The following PTPRA variants were observed in gnomAD, a reference collection of about 807,000 sequenced individuals.
PTPRA encodes the protein receptor-type tyrosine-protein phosphatase alpha.
PTPRA carries 25 observed loss-of-function variants against 104.8 expected under a neutral mutation model. The ratio of observed to expected loss-of-function variants is 0.24; its 90% CI spans 0.17 to 0.33. The LOEUF is 0.33. Ranked by LOEUF, PTPRA falls within the 10% of genes least tolerant of loss-of-function variation. The probability of loss-of-function intolerance (pLI) is 1.00; values close to 1 mark genes in which losing one functional copy is unlikely to be tolerated. For synonymous variants in PTPRA, 323 were observed against 368.9 expected (o/e 0.88, Z 1.43); for missense variants, 765 against 1,015.3 (o/e 0.75, Z 3.35).
At chr20:3,020,226 A>G (rs1374314570) in intron 13 of PTPRA, among the ~76,000 whole-genome samples, 1 of 151,986 alleles carries the variant, frequency 6.6e-6, no homozygotes, top group Non-Finnish European at 1.5e-5. Context: ...CTTCTGCCTC[A>G]GCCTCCCGAG....
At chr20:2,916,797 CCT>C (rs2059917591) in intron 1 of PTPRA, among the ~76,000 whole-genome samples, 1 of 152,126 alleles carries the variant, frequency 6.6e-6, no homozygotes, top group Non-Finnish European at 1.5e-5. Flanking sequence ...ATATATCACT[CCT>C]TATACCATTA....
intron 1 of PTPRA, among the ~76,000 whole-genome samples, chr20:2,897,332 TG>T (rs1221212172): frequency 6.6e-6 from 1 of 152,014 alleles, no homozygotes; most frequent in Non-Finnish European, 1.5e-5. Flanking sequence ...GGTTGCTAGA[TG>T]GTAAATTTAA....
At chr20:2,951,779 G>A (rs1298164729) in intron 3 of PTPRA, among the ~76,000 whole-genome samples, 2 of 152,172 alleles carry the variant, frequency 1.3e-5, no homozygotes, top group East Asian at 1.9e-4. Context: ...TCGGAACTGC[G>A]AGTAACTGTC....
chr20:3,007,397 T>G lies in PTPRA; in HGVS notation c.883T>G (p.Tyr295Asp), dbSNP rs762455848. ...TPVEGVPDSD[Y>D]INASFINGYQ... ...GGTTGAAGGGGTTCCAGATTCTGATTACATCAATGCTTCATTCATCAACGT... is the reference window on the plus strand; with the variant it reads ...GGTTGAAGGGGTTCCAGATTCTGATGACATCAATGCTTCATTCATCAACGT... The change falls in exon 11 of 24, where the codon TAC becomes GAC. Residue 295 changes from tyrosine to aspartate, a missense_variant. Coordinates refer to ENST00000399903, the MANE Select transcript of PTPRA (RefSeq NM_001385305.1). The G allele has an allele frequency of 6.2e-7, 1 of 1,614,114 alleles. No homozygotes were observed. Among genetic ancestry groups the G allele is most frequent in the Admixed American group, 1.7e-5 (1 of 60,016 alleles).
At chr20:2,877,450 G>T (rs2089794259) in intron 1 of PTPRA, among the ~76,000 whole-genome samples, 3 of 152,068 alleles carry the variant, frequency 2.0e-5, no homozygotes, top group Non-Finnish European at 4.4e-5. Context: ...GTAAAGACGG[G>T]GTTTCTCCAT....
At chr20:2,915,728 C>A (rs1446245130) in intron 1 of PTPRA, among the ~76,000 whole-genome samples, 1 of 152,162 alleles carries the variant, frequency 6.6e-6, no homozygotes, top group Non-Finnish European at 1.5e-5. Context: ...TGGCTCATGC[C>A]TGTAATCCTA....
chr20:2,992,234 G>A (rs753774148), intron 9 of PTPRA, among the ~76,000 whole-genome samples: 1 of 152,080 alleles, frequency 6.6e-6, no homozygotes, highest in African/African-American at 2.4e-5. Flanking sequence ...CCTAGTTTAC[G>A]AGACCGGCCC....
intron 6 of PTPRA, among the ~76,000 whole-genome samples, chr20:2,979,815 C>T (rs1202426175): frequency 6.6e-6 from 1 of 151,708 alleles, no homozygotes; most frequent in Non-Finnish European, 1.5e-5. Context: ...AAGTGTTGGG[C>T]TTACAGGCAT....
intron 2 of PTPRA, among the ~76,000 whole-genome samples, chr20:2,929,916 G>A (rs2060447270): frequency 6.6e-6 from 1 of 152,266 alleles, no homozygotes; most frequent in South Asian, 2.1e-4. Flanking sequence ...TGTAAGAAAA[G>A]GAAATTTGTA....
In PTPRA at chr20:3,021,398, C is replaced by G. The variant is rs1242931391; in HGVS notation, c.1131C>G (p.Asp377Glu). Residue 377 changes from aspartate to glutamate, a missense_variant, in exon 14 of 24, where the codon GAC becomes GAG. Coordinates refer to ENST00000399903, the MANE Select transcript of PTPRA (RefSeq NM_001385305.1). ...VSVEDVTVLV[D>E]YTVRKFCIQQ... ...TAGAGGATGTGACTGTCCTGGTGGA[C>G]TACACAGTACGGAAGTTCTGCATCC... The G allele has an allele frequency of 6.2e-7, 1 of 1,613,986 alleles. No homozygotes were observed. The highest frequency in any genetic ancestry group is 8.5e-7 in the Non-Finnish European group (1 of 1,179,992).
rs554661810 is a variant in PTPRA, at chr20:2,897,476, C to T, written c.-129+23716C>T. 6.0e-5 allele frequency among the ~76,000 whole-genome samples: 9 copies of T among 150,290 alleles called. 1 individual carries two copies. Among genetic ancestry groups the T allele is most frequent in the African/African-American group, 2.2e-4 (9 of 40,702 alleles). On this transcript the variant is annotated intron_variant, in intron 1 of 23. Transcript: ENST00000399903. Reference sequence around the variant, plus strand: ...GATCTCGTCTCACTGCAACCTCTGCCTCCCAGGTTCACGTGATTCTGCCAC... The same window carrying T: ...GATCTCGTCTCACTGCAACCTCTGCTTCCCAGGTTCACGTGATTCTGCCAC...
upstream of PTPRA, among the ~76,000 whole-genome samples, chr20:2,871,364 G>T (rs546171718): frequency 6.6e-6 from 1 of 152,024 alleles, no homozygotes; most frequent in Admixed American, 6.6e-5. Flanking sequence ...TGACTACCAC[G>T]CCCAACAACA....
At chr20:2,874,164 T>A (rs1033576158) in intron 1 of PTPRA, among the ~76,000 whole-genome samples, 35 of 152,124 alleles carry the variant, frequency 2.3e-4, no homozygotes, top group Non-Finnish European at 1.2e-4. Context: ...GACCAACTTT[T>A]CTTTCCCTTC....
rs1177795074 is a variant in PTPRA, at chr20:3,036,052, G to C, written c.2198+111G>C. 1.9e-6 allele frequency: 3 copies of C among 1,543,116 alleles called. No individual in the cohort carries two copies. In the East Asian group the frequency reaches 6.8e-5, roughly 35 times the overall value. On this transcript the variant is annotated intron_variant, in intron 22 of 23. Coordinates refer to ENST00000399903, the MANE Select transcript of PTPRA (RefSeq NM_001385305.1). ...AAAGCCATACAAGAGCAAGATATTG[G>C]TGAGCACATAGTAGTTGAGATTGAT...
intron 3 of PTPRA, among the ~76,000 whole-genome samples, chr20:2,951,463 A>G (rs2061352241): frequency 6.6e-6 from 1 of 152,204 alleles, no homozygotes; most frequent in Non-Finnish European, 1.5e-5. Context: ...TAACTCACTC[A>G]TAATCTAGCT....
At chr20:2,942,936 GT>G (rs1415239685) in intron 2 of PTPRA, among the ~76,000 whole-genome samples, 1 of 151,870 alleles carries the variant, frequency 6.6e-6, no homozygotes, top group African/African-American at 2.4e-5. Flanking sequence ...ATTAGGCACA[GT>G]AAAAAATTAA....
In PTPRA at chr20:2,950,368, G is replaced by A. The variant is rs1478056650; in HGVS notation, c.-7+2344G>A. 2.0e-5 allele frequency among the ~76,000 whole-genome samples: 3 copies of A among 151,896 alleles called. No individual in the cohort carries two copies. Among genetic ancestry groups the A allele is most frequent in the African/African-American group, 4.8e-5 (2 of 41,322 alleles). ...AATATTAACTTGTGGGCCAGGCGTC[G>A]TGGCTCACACCTGTAATCCCAGCAC... is the stretch of plus-strand genomic sequence containing the variant. On this transcript the variant is annotated intron_variant, in intron 3 of 23. Transcript: ENST00000399903. The surrounding 1 kb of genome is among the most constrained non-coding windows in gnomAD (Gnocchi z 4.0).
the PTPRA span, chr20:2,866,488 C>T: frequency 2.5e-6 from 4 of 1,614,196 alleles, no homozygotes; most frequent in Non-Finnish European, 3.4e-6. Context: ...TGAGCTGAGC[C>T]TCGTATTGTC....
upstream of PTPRA, among the ~76,000 whole-genome samples, chr20:2,871,911 G>A (rs2089438923): frequency 6.6e-6 from 1 of 152,212 alleles, no homozygotes; most frequent in Non-Finnish European, 1.5e-5. Context: ...CTGAGAGGGA[G>A]AGAGAGTCAC....
Sources: gnomAD v4.1 joint callset for allele counts (sites outside exome capture counted in the v4.1 genomes callset) on GRCh38, gnomAD v4.1.1 for gene constraint, Gnocchi (gnomAD v3.1) non-coding constraint, MANE v1.5 for transcripts, NCBI Gene and HGNC (gene_info 2026-07-23, HGNC 2026-07-21) for gene names.